TSPAN9: variants seen among roughly 807,000 people sequenced by gnomAD.
TSPAN9 encodes tetraspanin-9.
In TSPAN9, 16 loss-of-function variants were observed where a neutral mutation model predicts 31.0. The observed-to-expected ratio is 0.52, with a 90% confidence interval of 0.35 to 0.78. The LOEUF is 0.78. TSPAN9 is among the 30% of genes least tolerant of loss of function. The pLI, the probability that TSPAN9 is intolerant of heterozygous loss-of-function variation, is 0.01. For missense variants in TSPAN9, 272 were observed against 312.5 expected (o/e 0.87, Z 0.98); for synonymous variants, 145 against 121.6 (o/e 1.19, Z -1.27).
At chr12:3,088,603 G>A (rs945250725) in intron 2 of TSPAN9, among the ~76,000 whole-genome samples, 3 of 152,212 alleles carry the variant, frequency 2.0e-5, no homozygotes, top group African/African-American at 7.2e-5. Flanking sequence ...TCTCCTGGAC[G>A]GAGCAGTTCG....
intron 2 of TSPAN9, among the ~76,000 whole-genome samples, chr12:3,146,158 C>G (rs574278622): frequency 6.6e-6 from 1 of 152,346 alleles, no homozygotes; most frequent in Admixed American, 6.5e-5. Context: ...TGAGGTCTCT[C>G]TGGCCCTGAC....
At chr12:3,118,228 C>G (rs1006017825) in intron 2 of TSPAN9, among the ~76,000 whole-genome samples, 5 of 140,152 alleles carry the variant, frequency 3.6e-5, no homozygotes, top group African/African-American at 1.4e-4. Context: ...TCACATTTAC[C>G]TGATTCCGCA....
At chr12:3,249,223 G>A (rs1029841715) in intron 3 of TSPAN9, among the ~76,000 whole-genome samples, 3 of 152,142 alleles carry the variant, frequency 2.0e-5, no homozygotes, top group African/African-American at 7.2e-5. Flanking sequence ...CTCCAGCTGC[G>A]AGTCTTTCTC....
intron 3 of TSPAN9, among the ~76,000 whole-genome samples, chr12:3,221,364 T>C (rs200875194): frequency 6.1e-5 from 9 of 148,020 alleles, no homozygotes; most frequent in African/African-American, 2.5e-5. Context: ...TTTTCTCTTT[T>C]TTTTTTTTTT....
chr12:3,138,293 G>T (rs561047450), intron 2 of TSPAN9, among the ~76,000 whole-genome samples: 1 of 152,232 alleles, frequency 6.6e-6, no homozygotes, highest in South Asian at 2.1e-4. Context: ...GGAAGTGCAG[G>T]GCCCAGCTGA....
chr12:3,085,060 G>C (rs986308864), intron 2 of TSPAN9, among the ~76,000 whole-genome samples: 31 of 152,326 alleles, frequency 2.0e-4, no homozygotes, highest in African/African-American at 6.7e-4. Flanking sequence ...ACATGGGCTT[G>C]GGTGGAGGAA....
chr12:3,204,316 G>A (rs957873204), intron 3 of TSPAN9, among the ~76,000 whole-genome samples: 5 of 152,210 alleles, frequency 3.3e-5, no homozygotes, highest in African/African-American at 1.2e-4. Flanking sequence ...TGGAAGAGAG[G>A]TGCAGCTGTC....
intron 2 of TSPAN9, among the ~76,000 whole-genome samples, chr12:3,091,217 G>A (rs1023348223): frequency 6.6e-6 from 1 of 152,200 alleles, no homozygotes; most frequent in Non-Finnish European, 1.5e-5. Flanking sequence ...CAACCACTAC[G>A]CTCCAGGCTT....
In TSPAN9 at chr12:3,280,289, C is replaced by A; in HGVS notation, c.331-93C>A. The A allele has an allele frequency of 8.7e-7, 1 of 1,155,422 alleles. No homozygotes were observed. The highest frequency in any genetic ancestry group is 1.3e-6 in the Non-Finnish European group (1 of 786,114). The allele number at this position is 1,155,422 out of a possible 1,614,324, so 71.6% of individuals were successfully genotyped here. On this transcript the variant is annotated intron_variant, in intron 5 of 8. Transcript: ENST00000011898. This position sits in a 1 kb window ranked among gnomAD's most constrained non-coding sequence, Gnocchi z 4.5. ...CTTCCCTGCCTTCCTCACTCCTCAT[C>A]TGTCACCCACCATCCTGGGTGACCT...
chr12:3,235,118 GCTTGC>G (rs2098392688), intron 3 of TSPAN9, among the ~76,000 whole-genome samples: 1 of 78,102 alleles, frequency 1.3e-5, no homozygotes, highest in Non-Finnish European at 3.1e-5. Context: ...AGTGAGCGGA[GCTTGC>G]AGTGAGCAGA....
chr12:3,210,459 C>A (rs1022887890), intron 3 of TSPAN9, among the ~76,000 whole-genome samples: 3 of 152,212 alleles, frequency 2.0e-5, no homozygotes, highest in African/African-American at 7.2e-5. Context: ...ATTCTTTCAT[C>A]TTCTGTGAAT....
At position 3,209,682 on chromosome 12, in the gene TSPAN9, G is replaced by A. The variant is rs1168593264; in HGVS notation, c.63+8426G>A. ...CTATAAACGTTTCTAAGCGTGGGCC[G>A]GGCGCGGTGGCTCACGCCTGTAATC... On this transcript the variant is annotated intron_variant, in intron 3 of 8. Coordinates refer to ENST00000011898, the MANE Select transcript of TSPAN9 (RefSeq NM_006675.5). 4.0e-5 allele frequency among the ~76,000 whole-genome samples: 6 copies of A among 148,390 alleles called. No homozygotes were observed. In the East Asian group the frequency reaches 5.9e-4, roughly 15 times the overall value.
intron 2 of TSPAN9, among the ~76,000 whole-genome samples, chr12:3,108,997 G>A (rs1043666547): frequency 7.9e-5 from 12 of 151,464 alleles, no homozygotes; most frequent in East Asian, 5.9e-4. Context: ...GTGCAGTGGC[G>A]CGATCTCCGC....
At chr12:3,108,493 T>C (rs1037308783) in intron 2 of TSPAN9, among the ~76,000 whole-genome samples, 3 of 152,196 alleles carry the variant, frequency 2.0e-5, no homozygotes, top group Non-Finnish European at 4.4e-5. Flanking sequence ...CGTGGAAAAG[T>C]CTCTCTGTCT....
In TSPAN9 at chr12:3,087,113, CTA is replaced by C. The variant is rs528009083; in HGVS notation, c.-18+3396_-18+3397del. ...CATGCACATGTGTGGGTGTTAGTGA[CTA>C]TGTGCACACTTGCCTTACATGTGTG... On this transcript the variant is annotated intron_variant, in intron 2 of 8. Coordinates refer to ENST00000011898, the MANE Select transcript of TSPAN9 (RefSeq NM_006675.5). Among the ~76,000 whole-genome samples, 22 of 152,314 alleles carry C rather than the reference CTA, an allele frequency of 1.4e-4. No homozygotes were observed. The East Asian group carries it at 2.3e-3, about 16-fold the overall frequency.
At position 3,200,899 on chromosome 12, in the gene TSPAN9, A is replaced by C. The variant is rs1591673447; in HGVS notation, c.-17-278A>C. ...GGGAGCGATGCCCCCCGCTCCTCGC[A>C]CCCCCCGGGAACGCCGCGAGCATGG... On this transcript the variant is annotated intron_variant, in intron 2 of 8. Transcript: ENST00000011898. 6 of 322,198 alleles carry C rather than the reference A, an allele frequency of 1.9e-5. No homozygotes were observed. The South Asian group carries it at 2.1e-4, about 11-fold the overall frequency. The allele number at this position is 322,198 out of a possible 1,614,324, so 20.0% of individuals were successfully genotyped here. A position where few individuals can be genotyped will look rare whatever the true frequency, so the allele number is the denominator to read the frequency against.
chr12:3,238,817 G>A (rs189762213), intron 3 of TSPAN9, among the ~76,000 whole-genome samples: 1 of 152,326 alleles, frequency 6.6e-6, no homozygotes, highest in African/African-American at 2.4e-5. Flanking sequence ...GTTGAACTGG[G>A]CCTCTCACCC....
intron 3 of TSPAN9, among the ~76,000 whole-genome samples, chr12:3,202,421 A>G (rs2098372454): frequency 6.6e-6 from 1 of 152,200 alleles, no homozygotes; most frequent in Non-Finnish European, 1.5e-5. Flanking sequence ...ATTAGCCGAA[A>G]CACTTTTTAG....
intron 2 of TSPAN9, among the ~76,000 whole-genome samples, chr12:3,087,069 G>A (rs962233743): frequency 6.6e-6 from 1 of 152,240 alleles, no homozygotes; most frequent in African/African-American, 2.4e-5. Context: ...CTCAGAGCAA[G>A]ATTGAAACAG....
Sources: gnomAD v4.1 joint callset for allele counts (sites outside exome capture counted in the v4.1 genomes callset) on GRCh38, gnomAD v4.1.1 for gene constraint, Gnocchi (gnomAD v3.1) non-coding constraint, MANE v1.5 for transcripts, NCBI Gene and HGNC (gene_info 2026-07-23, HGNC 2026-07-21) for gene names.